Variants in DAB1 observed in about 807,000 individuals in gnomAD.
The protein encoded by DAB1 is disabled homolog 1.
DAB1 carries 15 observed loss-of-function variants against 64.6 expected under a neutral mutation model. That is an observed-to-expected ratio of 0.23 (90% confidence interval 0.16 to 0.36). The LOEUF is 0.36. Among genes scored for constraint, DAB1 ranks in the 10% least tolerant of loss-of-function variants. The pLI is 1.00. For missense variants in DAB1, 596 were observed against 706.7 expected, an observed-to-expected ratio of 0.84 and a Z score of 1.78; for synonymous variants, 235 against 251.9, an observed-to-expected ratio of 0.93 and a Z score of 0.64.
chr1:57,104,747 T>C (rs1160936910), intron 4 of DAB1, among the ~76,000 whole-genome samples: 1 of 152,102 alleles, frequency 6.6e-6, no homozygotes, highest in Non-Finnish European at 1.5e-5. Context: ...GAGGAGAGTC[T>C]TGAGATGATG....
chr1:58,459,633 G>A (rs1429472537), intron 3 of DAB1, among the ~76,000 whole-genome samples: 2 of 152,336 alleles, frequency 1.3e-5, no homozygotes, highest in East Asian at 3.9e-4. Context: ...TTTTTATAAT[G>A]TAATTTCACA....
chr1:57,289,113 A>G (rs1343406213), intron 2 of DAB1, among the ~76,000 whole-genome samples: 5 of 152,298 alleles, frequency 3.3e-5, no homozygotes, highest in African/African-American at 1.2e-4. Flanking sequence ...GAGTTTTTTT[A>G]GGACATGAAG....
At chr1:57,447,855 G>A (rs1473878796) in intron 7 of DAB1, among the ~76,000 whole-genome samples, 3 of 152,120 alleles carry the variant, frequency 2.0e-5, no homozygotes, top group Non-Finnish European at 2.9e-5. Context: ...CTGGTGGAGA[G>A]GTGCTAAGAT....
At chr1:57,338,205 G>A (rs562107107) in intron 1 of DAB1, among the ~76,000 whole-genome samples, 98 of 152,028 alleles carry the variant, frequency 6.4e-4, no homozygotes, top group African/African-American at 2.2e-3. Context: ...GGCTGGTCTC[G>A]AACTCCTGGG....
At chr1:57,782,975 C>CTCCT (rs1355184219) in intron 6 of DAB1, among the ~76,000 whole-genome samples, 1 of 134,318 alleles carries the variant, frequency 7.4e-6, no homozygotes, top group African/African-American at 2.7e-5. Flanking sequence ...ATTTTCTTTC[C>CTCCT]TCCCTCCCTC....
At chr1:57,213,557 C>T (rs1034515243) in intron 2 of DAB1, among the ~76,000 whole-genome samples, 1 of 152,164 alleles carries the variant, frequency 6.6e-6, no homozygotes, top group African/African-American at 2.4e-5. Context: ...AAAATGCTGG[C>T]TCCACCAGGC....
At chr1:57,188,697 T>A (rs917744305) in intron 2 of DAB1, among the ~76,000 whole-genome samples, 2 of 152,230 alleles carry the variant, frequency 1.3e-5, no homozygotes, top group African/African-American at 2.4e-5. Context: ...TCTCCCATTT[T>A]GTTTTATTCA....
chr1:58,081,107 TTAATACC>T (rs2100592269), intron 5 of DAB1, among the ~76,000 whole-genome samples: 1 of 152,252 alleles, frequency 6.6e-6, no homozygotes, highest in South Asian at 2.1e-4. Context: ...TAAATCAAGC[TTAATACC>T]TAATCCTAAT....
intron 3 of DAB1, among the ~76,000 whole-genome samples, chr1:58,345,881 T>A (rs1273295759): frequency 6.6e-6 from 1 of 152,184 alleles, no homozygotes; most frequent in East Asian, 1.9e-4. Flanking sequence ...GGTTATAATG[T>A]GCCCTGCCTC....
intron 9 of DAB1, among the ~76,000 whole-genome samples, chr1:57,050,043 T>A (rs1457509898): frequency 1.3e-5 from 2 of 152,196 alleles, no homozygotes; most frequent in Admixed American, 6.5e-5. Flanking sequence ...CTGCTAACAC[T>A]GTCTCTTCTG....
chr1:58,129,112 T>C (rs1244707124), intron 5 of DAB1, among the ~76,000 whole-genome samples: 3 of 150,270 alleles, frequency 2.0e-5, no homozygotes, highest in East Asian at 2.0e-4. Context: ...TGGTAAGCTA[T>C]TGATTATTGC....
intron 5 of DAB1, among the ~76,000 whole-genome samples, chr1:57,947,972 A>C (rs1031503740): frequency 6.6e-6 from 1 of 152,150 alleles, no homozygotes; most frequent in Admixed American, 6.5e-5. Flanking sequence ...GCTTCTGTGC[A>C]TTACACTTTG....
At chr1:57,537,335 C>T (rs1364013350) in intron 7 of DAB1, among the ~76,000 whole-genome samples, 1 of 152,132 alleles carries the variant, frequency 6.6e-6, no homozygotes, top group Non-Finnish European at 1.5e-5. Context: ...TTATTAGGTT[C>T]TTATGAGGCT....
At chr1:58,258,303 C>G (rs746992703) in intron 4 of DAB1, among the ~76,000 whole-genome samples, 2 of 152,272 alleles carry the variant, frequency 1.3e-5, no homozygotes, top group South Asian at 4.2e-4. Flanking sequence ...CTCAGTTGTT[C>G]GGTCCAATCT....
At chr1:57,520,458 TTTTG>T (rs1272695765) in intron 7 of DAB1, among the ~76,000 whole-genome samples, 6 of 152,294 alleles carry the variant, frequency 3.9e-5, no homozygotes, top group African/African-American at 7.2e-5. Context: ...GGGTCAATTT[TTTTG>T]TTTGTTTGTT....
chr1:58,486,171 G>GC (rs560457622), intron 3 of DAB1, among the ~76,000 whole-genome samples: 163 of 152,276 alleles, frequency 1.1e-3, no homozygotes, highest in African/African-American at 3.8e-3. Flanking sequence ...AAATGTCTAT[G>GC]CCAAAGAGAG....
chr1:58,402,650 G>A (rs76518508), intron 3 of DAB1, among the ~76,000 whole-genome samples: 8 of 151,416 alleles, frequency 5.3e-5, no homozygotes, highest in Non-Finnish European at 1.2e-4. Context: ...AAGGAGGAGG[G>A]GGGGAGAGAG....
chr1:57,316,060 C>G (rs1355028109), intron 1 of DAB1, among the ~76,000 whole-genome samples: 2 of 152,094 alleles, frequency 1.3e-5, no homozygotes, highest in Non-Finnish European at 2.9e-5. Flanking sequence ...GCTTAAATTC[C>G]CTCTTAGTAA....
intron 1 of DAB1, among the ~76,000 whole-genome samples, chr1:58,529,582 G>A (rs1242391848): frequency 6.6e-6 from 1 of 152,184 alleles, no homozygotes; most frequent in Non-Finnish European, 1.5e-5. Flanking sequence ...AAGCAAGGAA[G>A]GATGGCAAAG....
Sources: allele counts gnomAD v4.1 joint callset (sites outside exome capture counted in the v4.1 genomes callset), GRCh38; gene constraint gnomAD v4.1.1; transcripts MANE v1.5; gene names NCBI Gene and HGNC (gene_info 2026-07-23, HGNC 2026-07-21).